The following LRP1B variants were observed in gnomAD, a reference collection of about 807,000 sequenced individuals.
The protein encoded by LRP1B is low-density lipoprotein receptor-related protein 1B.
LRP1B carries 217 observed loss-of-function variants against 556.6 expected under a neutral mutation model. That is an observed-to-expected ratio of 0.39 (90% CI 0.35 to 0.44). The LOEUF is 0.44. Among genes scored for constraint, LRP1B ranks in the 20% least tolerant of loss-of-function variants. The pLI is 1.00. For missense variants in LRP1B, 5,053 were observed against 5,620.8 expected (o/e 0.90, Z 3.23); for synonymous variants, 2,047 against 1,865.8 (o/e 1.10, Z -2.50).
intron 7 of LRP1B, among the ~76,000 whole-genome samples, chr2:141,107,352 G>A (rs6429865): frequency 0.36 from 54,760 of 151,938 alleles, 10,349 homozygotes; most frequent in East Asian, 0.66. Context: ...AAAAAACTTG[G>A]AAGACTATAT....
intron 66 of LRP1B, among the ~76,000 whole-genome samples, chr2:140,404,168 CTT>C (rs68017900): frequency 0.12 from 10,555 of 90,958 alleles, 85 homozygotes; most frequent in African/African-American, 0.16. Flanking sequence ...AATAGAACTT[CTT>C]TTTTTTTTTT....
rs533981076 is a variant in LRP1B at position 141,725,827 on chromosome 2, A to G, written c.205+84452T>C. Among the ~76,000 whole-genome samples, 16 of 148,692 alleles carry G rather than the reference A, an allele frequency of 1.1e-4. 1 individual carries two copies. The highest frequency in any genetic ancestry group is 3.9e-4 in the African/African-American group (16 of 40,582). On this transcript the variant is annotated intron_variant, in intron 2 of 90. Transcript: ENST00000389484. ...ATTCTAACTACTCTAGTTTTTAGAT[A>G]TTTGGCATTGATAATTTTGAAAAAA...
intron 43 of LRP1B, among the ~76,000 whole-genome samples, chr2:140,551,244 T>C (rs1320758508): frequency 6.6e-6 from 1 of 152,184 alleles, no homozygotes; most frequent in East Asian, 1.9e-4. Flanking sequence ...AAAATCAGTA[T>C]GAAGGACAGA....
intron 7 of LRP1B, among the ~76,000 whole-genome samples, chr2:141,077,719 T>G (rs988826531): frequency 1.3e-5 from 2 of 152,200 alleles, no homozygotes; most frequent in Admixed American, 1.3e-4. Flanking sequence ...AGTTCCAGCC[T>G]TCCCTTCCGG....
At chr2:141,222,688 C>A (rs1417470091) in intron 6 of LRP1B, among the ~76,000 whole-genome samples, 1 of 152,160 alleles carries the variant, frequency 6.6e-6, no homozygotes, top group Non-Finnish European at 1.5e-5. Context: ...CTACCACAAT[C>A]AAGTTGGCTT....
intron 5 of LRP1B, among the ~76,000 whole-genome samples, chr2:141,234,651 AC>A (rs1399346451): frequency 1.3e-5 from 2 of 152,208 alleles, no homozygotes; most frequent in Admixed American, 1.3e-4. Context: ...TGCTGGGATT[AC>A]AGGCATGAGC....
chr2:140,889,572 C>T (rs1226335822), intron 23 of LRP1B, among the ~76,000 whole-genome samples: 1 of 152,202 alleles, frequency 6.6e-6, no homozygotes, highest in Non-Finnish European at 1.5e-5. Flanking sequence ...GCTGGGATTA[C>T]AGACGTAAGC....
At chr2:141,115,239 C>T (rs1013442034) in intron 7 of LRP1B, among the ~76,000 whole-genome samples, 1 of 151,906 alleles carries the variant, frequency 6.6e-6, no homozygotes, top group Admixed American at 6.6e-5. Context: ...TGACTCCTCT[C>T]CTTCATCATT....
At chr2:140,813,186 C>T (rs1234863015) in intron 32 of LRP1B, among the ~76,000 whole-genome samples, 1 of 152,110 alleles carries the variant, frequency 6.6e-6, no homozygotes, top group African/African-American at 2.4e-5. Context: ...AATCTCTACT[C>T]ACTCCAAAAT....
intron 7 of LRP1B, among the ~76,000 whole-genome samples, chr2:141,176,478 TGAA>T (rs541208091): frequency 6.6e-6 from 1 of 152,050 alleles, no homozygotes; most frequent in African/African-American, 2.4e-5. Context: ...CACCACCATG[TGAA>T]GAAGGTCACA....
intron 1 of LRP1B, among the ~76,000 whole-genome samples, chr2:141,927,726 C>G (rs527406280): frequency 6.6e-6 from 1 of 152,060 alleles, no homozygotes; most frequent in South Asian, 2.1e-4. Flanking sequence ...ATTGATGAGG[C>G]TTTTCTGCAC....
At chr2:141,481,343 T>C (rs6761315) in intron 2 of LRP1B, among the ~76,000 whole-genome samples, 145,857 of 152,194 alleles carry the variant, frequency 0.96, 70,207 homozygotes, top group East Asian at 1. Flanking sequence ...TACACTTCTA[T>C]AAGCACTTTC....
chr2:141,065,895 A>T (rs72981093), intron 7 of LRP1B, among the ~76,000 whole-genome samples: 4 of 151,854 alleles, frequency 2.6e-5, no homozygotes, highest in African/African-American at 9.7e-5. Context: ...CTCATGGTAG[A>T]TTGTGGAGAC....
chr2:141,147,481 A>T (rs1201253599), intron 7 of LRP1B, among the ~76,000 whole-genome samples: 1 of 152,228 alleles, frequency 6.6e-6, no homozygotes, highest in East Asian at 1.9e-4. Context: ...TATTAAAATT[A>T]TGCAAAAGTA....
At chr2:140,787,564 T>A (rs1204909584) in intron 32 of LRP1B, among the ~76,000 whole-genome samples, 3 of 118,840 alleles carry the variant, frequency 2.5e-5, no homozygotes, top group African/African-American at 9.8e-5. Context: ...GAAGATTTTT[T>A]TTTTTTTTTT....
intron 11 of LRP1B, among the ~76,000 whole-genome samples, chr2:141,039,625 G>A (rs1212095841): frequency 6.6e-6 from 1 of 152,020 alleles, no homozygotes; most frequent in Non-Finnish European, 1.5e-5. Flanking sequence ...GAGCTCACAT[G>A]TGTATATACA....
At chr2:142,106,458 A>G (rs965704957) in intron 1 of LRP1B, among the ~76,000 whole-genome samples, 5 of 152,220 alleles carry the variant, frequency 3.3e-5, no homozygotes, top group Admixed American at 3.3e-4. Context: ...TGAAGAAATT[A>G]AGTGACTTGT....
intron 66 of LRP1B, among the ~76,000 whole-genome samples, chr2:140,403,805 G>A (rs2105233358): frequency 6.6e-6 from 1 of 152,210 alleles, no homozygotes; most frequent in Non-Finnish European, 1.5e-5. Context: ...CAAAAAGATT[G>A]TCACCAAGAC....
chr2:141,162,159 T>G (rs910102885), intron 7 of LRP1B, among the ~76,000 whole-genome samples: 3 of 152,102 alleles, frequency 2.0e-5, no homozygotes, highest in African/African-American at 7.2e-5. Flanking sequence ...GATGAGAGGA[T>G]TACAACTTAA....
Sources: allele counts gnomAD v4.1 joint callset (sites outside exome capture counted in the v4.1 genomes callset), GRCh38; gene constraint gnomAD v4.1.1; transcripts MANE v1.5; gene names NCBI Gene and HGNC (gene_info 2026-07-23, HGNC 2026-07-21).